Variants in SEPTIN2 observed in about 807,000 individuals in gnomAD.
SEPTIN2 encodes the protein septin-2.
A neutral mutation model predicts 46.5 loss-of-function variants in SEPTIN2; 34 were observed. The observed-to-expected ratio is 0.73, with a 90% CI of 0.56 to 0.97. The LOEUF is 0.97. SEPTIN2 is among the 50% of genes least tolerant of loss of function. The pLI is 0.00. For synonymous variants in SEPTIN2, 175 were observed against 153.4 expected (o/e 1.14, Z -1.04); for missense variants, 347 against 448.4 (o/e 0.77, Z 2.04).
chr2:241,349,046 A>G (rs2060533089), intron 11 of SEPTIN2, among the ~76,000 whole-genome samples: 1 of 152,200 alleles, frequency 6.6e-6, no homozygotes, highest in South Asian at 2.1e-4. Context: ...CATAATGATA[A>G]GGATAAAGAT....
At chr2:241,331,009 TA>T (rs956110140) in intron 3 of SEPTIN2, among the ~76,000 whole-genome samples, 2 of 152,192 alleles carry the variant, frequency 1.3e-5, no homozygotes, top group African/African-American at 4.8e-5. Context: ...ATCTCTTTAG[TA>T]CTTTTGTAAA....
chr2:241,351,937 C>G (rs1245447139), intron 12 of SEPTIN2, 30 bp from the exon 13 acceptor site: 4 of 152,586 alleles, frequency 2.6e-5, no homozygotes, highest in Non-Finnish European at 5.9e-5. Flanking sequence ...CTCACTCCCA[C>G]TTAAGTGTGT....
intron 4 of SEPTIN2, 193 bp downstream of exon 4, chr2:241,335,405 C>A: frequency 6.8e-7 from 1 of 1,465,578 alleles, no homozygotes; most frequent in African/African-American, 1.4e-5. Context: ...TTCTTTGACA[C>A]GTATCCATGG....
chr2:241,316,584 T>C lies in SEPTIN2; in HGVS notation c.-18+602T>C, dbSNP rs1027845707. 6 of 1,469,662 alleles carry C rather than the reference T, an allele frequency of 4.1e-6. No homozygotes were observed. The African/African-American group carries it at 7.1e-5, about 17-fold the overall frequency. 91.0% of individuals were successfully genotyped at this position (1,469,662 alleles called of 1,614,324 possible). A position where few individuals can be genotyped will look rare whatever the true frequency, so the allele number is the denominator to read the frequency against. ...CGGACAGGCAGCAGGGGGTAGGGTA[T>C]AGGGTTGGAGGCCGCCGAGTTGGCC... On this transcript the variant is annotated intron_variant, in intron 1 of 12. Transcript: ENST00000391971.
chr2:241,340,937 T>C lies in SEPTIN2; in HGVS notation c.595-2055T>C, dbSNP rs192679105. ...CTGTTATCTGCCCTCCCCATGATCCTGTTCACTCAGGCTTCCTGTCATCCA... is the reference window on the plus strand; with the variant it reads ...CTGTTATCTGCCCTCCCCATGATCCCGTTCACTCAGGCTTCCTGTCATCCA... On this transcript the variant is annotated intron_variant, in intron 7 of 12. Transcript: ENST00000391971. Among the ~76,000 whole-genome samples the C allele has an allele frequency of 2.0e-5, 3 of 152,328 alleles. No homozygotes were observed. In the East Asian group the frequency reaches 5.8e-4, roughly 29 times the overall value.
chr2:241,351,773 C>G (rs1287223183), intron 12 of SEPTIN2, 194 bp from the exon 13 acceptor site: 1 of 152,114 alleles, frequency 6.6e-6, no homozygotes, highest in Admixed American at 6.6e-5. Flanking sequence ...TGTATACTTT[C>G]TAGTTTTGCA....
chr2:241,323,953 A>G (rs1308347091), intron 1 of SEPTIN2, among the ~76,000 whole-genome samples: 4 of 152,264 alleles, frequency 2.6e-5, no homozygotes, highest in Non-Finnish European at 5.9e-5. Context: ...TGAATAAAGA[A>G]TAGGGGGTCT....
intron 11 of SEPTIN2, among the ~76,000 whole-genome samples, chr2:241,349,209 T>C (rs973778284): frequency 2.6e-5 from 4 of 151,382 alleles, no homozygotes; most frequent in African/African-American, 9.7e-5. Flanking sequence ...TAGAAAAAAA[T>C]TAAAAAATAA....
intron 1 of SEPTIN2, chr2:241,320,384 A>T: frequency 2.2e-6 from 1 of 448,350 alleles, no homozygotes; most frequent in Admixed American, 2.6e-5. Context: ...TTTTTTCTGC[A>T]TTTTCAGATT....
At chr2:241,326,142 T>TA (rs1208521498) in intron 3 of SEPTIN2, 29 bp downstream of exon 3, 2 of 1,591,212 alleles carry the variant, frequency 1.3e-6, no homozygotes, top group African/African-American at 2.7e-5. Context: ...GTCTCCAACT[T>TA]ACTAAATAAA....
intron 1 of SEPTIN2, among the ~76,000 whole-genome samples, chr2:241,319,500 G>C (rs764927099): frequency 6.6e-6 from 1 of 152,226 alleles, no homozygotes; most frequent in African/African-American, 2.4e-5. Context: ...CCGAATTATC[G>C]GTTGTAATTT....
At position 241,337,763 on chromosome 2, in the gene SEPTIN2, G is replaced by A. The variant is rs1422271455; in HGVS notation, c.567G>A (p.Leu189=). Reference sequence around the variant, plus strand: ...TTGCAAAAGCTGACACTCTCACCCTGAAGGAACGGGAGCGGCTGAAGAAAA... The same window carrying A: ...TTGCAAAAGCTGACACTCTCACCCTAAAGGAACGGGAGCGGCTGAAGAAAA... ...PVIAKADTLT[L]KERERLKKRI... is the part of the protein sequence containing the mutation. Residue 189 remains leucine (L), a synonymous_variant, in exon 7 of 13, where the codon CTG becomes CTA. Coordinates refer to ENST00000391971, the MANE Select transcript of SEPTIN2 (RefSeq NM_004404.5). 1 of 1,614,032 alleles carries A rather than the reference G, an allele frequency of 6.2e-7. No individual in the cohort carries two copies. The highest frequency in any genetic ancestry group is 8.5e-7 in the Non-Finnish European group (1 of 1,179,934).
intron 3 of SEPTIN2, among the ~76,000 whole-genome samples, chr2:241,333,506 TTTTTG>T (rs1046043769): frequency 6.6e-6 from 1 of 152,190 alleles, no homozygotes; most frequent in Non-Finnish European, 1.5e-5. Context: ...TGCATGTTTC[TTTTTG>T]TTTTGTTTTG....
rs1361433506 is a variant in SEPTIN2 at position 241,352,838 on chromosome 2, A to C, written c.*901A>C. ...CCAAATTAAAAATTTTTTTAAGGAA[A>C]ATTAGCAGTTGGTCTATTCAGAATC... On this transcript the variant is annotated 3_prime_UTR_variant, in exon 13 of 13. Transcript: ENST00000391971. 4 of 152,208 alleles carry C rather than the reference A, an allele frequency of 2.6e-5. No homozygotes were observed. Among genetic ancestry groups the C allele is most frequent in the Non-Finnish European group, 5.9e-5 (4 of 68,042 alleles). The allele number at this position is 152,208 out of a possible 1,614,324, so 9.4% of individuals were successfully genotyped here.
At chr2:241,338,802 C>CATATTTATATTATTTATATATAATAT (rs2080645608) in intron 7 of SEPTIN2, among the ~76,000 whole-genome samples, 2 of 81,260 alleles carry the variant, frequency 2.5e-5, no homozygotes, top group African/African-American at 1.1e-4. Context: ...ATATATAATA[C>CATATTTATATTATTTATATATAATAT]ATATTATATT....
At chr2:241,317,428 G>A (rs1575108259) in intron 1 of SEPTIN2, 1 of 523,658 alleles carries the variant, frequency 1.9e-6, no homozygotes, top group Non-Finnish European at 2.5e-6. Context: ...GGTGACCTAG[G>A]GAAAGGGGCC....
At chr2:241,337,163 C>T (rs922436280) in intron 5 of SEPTIN2, 1 of 508,178 alleles carries the variant, frequency 2.0e-6, no homozygotes, top group African/African-American at 2.0e-5. Context: ...TAACCTATTC[C>T]ATTCAGGCTT....
In SEPTIN2 at chr2:241,352,127, G is replaced by A. The variant is rs926124079; in HGVS notation, c.*190G>A. ...TGTTTTTGTATGAAGTACTTTTAAC[G>A]TATGTATTTCATTGCTGTGTCACAC... On this transcript the variant is annotated 3_prime_UTR_variant, in exon 13 of 13. Coordinates refer to ENST00000391971, the MANE Select transcript of SEPTIN2 (RefSeq NM_004404.5). 7 of 152,572 alleles carry A rather than the reference G, an allele frequency of 4.6e-5. No homozygotes were observed. Among genetic ancestry groups the A allele is most frequent in the Non-Finnish European group, 8.8e-5 (6 of 68,036 alleles). 9.5% of individuals were successfully genotyped at this position (152,572 alleles called of 1,614,324 possible). A position where few individuals can be genotyped will look rare whatever the true frequency, so the allele number is the denominator to read the frequency against.
At chr2:241,339,046 C>A in intron 7 of SEPTIN2, among the ~76,000 whole-genome samples, 1 of 124,874 alleles carries the variant, frequency 8.0e-6, no homozygotes, top group Admixed American at 1.0e-4. Flanking sequence ...ATTATATATA[C>A]ATTTTTATAT....
Sources: gnomAD v4.1 joint callset for allele counts (sites outside exome capture counted in the v4.1 genomes callset) on GRCh38, gnomAD v4.1.1 for gene constraint, MANE v1.5 for transcripts, NCBI Gene and HGNC (gene_info 2026-07-23, HGNC 2026-07-21) for gene names.